Variants in NPAS3 observed in about 807,000 individuals in gnomAD.
NPAS3 encodes neuronal PAS domain protein 3, also known as neuronal PAS domain-containing protein 3.
NPAS3 carries 14 observed loss-of-function variants against 73.1 expected under a neutral mutation model. The observed-to-expected ratio is 0.19, with a 90% CI of 0.13 to 0.30. NPAS3 has a LOEUF of 0.30. Among genes scored for constraint, NPAS3 ranks in the 10% least tolerant of loss-of-function variants. The pLI, the probability that NPAS3 is intolerant of heterozygous loss-of-function variation, is 1.00. For missense variants in NPAS3, 1,096 were observed against 1,250.0 expected (o/e 0.88, Z 1.86); for synonymous variants, 620 against 541.5 (o/e 1.14, Z -2.01).
chr14:33,633,830 T>A (rs970323649), intron 5 of NPAS3, among the ~76,000 whole-genome samples: 1 of 152,048 alleles, frequency 6.6e-6, no homozygotes, highest in Admixed American at 6.5e-5. Flanking sequence ...AAATAAAAAA[T>A]TAGCCAGTTG....
At chr14:33,697,354 G>T (rs2060412027) in intron 6 of NPAS3, among the ~76,000 whole-genome samples, 1 of 152,276 alleles carries the variant, frequency 6.6e-6, no homozygotes, top group Admixed American at 6.5e-5. Context: ...TCATCCAGGG[G>T]GTTGGCAGAA....
intron 2 of NPAS3, among the ~76,000 whole-genome samples, chr14:33,165,579 C>T (rs942655250): frequency 5.9e-5 from 9 of 151,958 alleles, no homozygotes; most frequent in African/African-American, 2.2e-4. Context: ...AATCTGGAGG[C>T]CTTATCAGAG....
At chr14:33,803,550 C>T (rs570339332), downstream of NPAS3, 9 of 152,246 alleles carry the variant, frequency 5.9e-5, no homozygotes, top group South Asian at 1.9e-3. Context: ...AGCTATCGAA[C>T]AATCAAAGGA....
chr14:33,212,258 C>T (rs10483431), intron 2 of NPAS3, among the ~76,000 whole-genome samples: 14,267 of 152,122 alleles, frequency 0.094, 798 homozygotes, highest in Non-Finnish European at 0.13. Flanking sequence ...GCCCACAAAA[C>T]CAATTACTAC....
intron 1 of NPAS3, among the ~76,000 whole-genome samples, chr14:33,024,055 T>A (rs967056593): frequency 6.6e-6 from 1 of 152,138 alleles, no homozygotes; most frequent in African/African-American, 2.4e-5. Flanking sequence ...GGTAGGTCTT[T>A]TGGACAGAAC....
chr14:33,309,241 C>T (rs886767980), intron 3 of NPAS3, among the ~76,000 whole-genome samples: 4 of 152,076 alleles, frequency 2.6e-5, no homozygotes, highest in Non-Finnish European at 5.9e-5. Context: ...GAGGTTTGTC[C>T]CTCCATGTCA....
At chr14:33,730,154 T>C (rs533435881) in intron 6 of NPAS3, among the ~76,000 whole-genome samples, 134 of 152,234 alleles carry the variant, frequency 8.8e-4, no homozygotes, top group African/African-American at 3.1e-3. Context: ...CTATACAGCA[T>C]CAAAGTTAGA....
At chr14:33,599,016 C>T (rs568501899) in intron 5 of NPAS3, among the ~76,000 whole-genome samples, 26 of 152,318 alleles carry the variant, frequency 1.7e-4, no homozygotes, top group Admixed American at 1.3e-3. Context: ...CTTTATGTCA[C>T]CAACAGAAGA....
chr14:33,738,559 C>A (rs2061580067), intron 7 of NPAS3, among the ~76,000 whole-genome samples: 1 of 152,142 alleles, frequency 6.6e-6, no homozygotes, highest in African/African-American at 2.4e-5. Flanking sequence ...ACCAAGAATT[C>A]TAGCCAAGGA....
At chr14:33,781,882 A>G (rs2062989301) in intron 9 of NPAS3, among the ~76,000 whole-genome samples, 1 of 152,238 alleles carries the variant, frequency 6.6e-6, no homozygotes, top group African/African-American at 2.4e-5. Context: ...TAAGAAAAGT[A>G]AAGAGGAATA....
intron 2 of NPAS3, among the ~76,000 whole-genome samples, chr14:33,129,215 A>G (rs778562016): frequency 6.6e-6 from 1 of 152,144 alleles, no homozygotes; most frequent in Non-Finnish European, 1.5e-5. Context: ...TGAGTCTAAG[A>G]GTAAGAAATT....
At chr14:33,223,636 A>G (rs906329430) in intron 3 of NPAS3, among the ~76,000 whole-genome samples, 4 of 152,186 alleles carry the variant, frequency 2.6e-5, no homozygotes, top group African/African-American at 9.7e-5. Flanking sequence ...TTTAGCGATT[A>G]TTGTCCTAAA....
At chr14:33,137,227 A>C (rs1344200469) in intron 2 of NPAS3, among the ~76,000 whole-genome samples, 1 of 152,190 alleles carries the variant, frequency 6.6e-6, no homozygotes, top group African/African-American at 2.4e-5. Context: ...TGATAAAATG[A>C]ATGTTTTTAG....
At chr14:33,225,116 A>G (rs1211225938) in intron 3 of NPAS3, among the ~76,000 whole-genome samples, 1 of 152,168 alleles carries the variant, frequency 6.6e-6, no homozygotes, top group Non-Finnish European at 1.5e-5. Context: ...AAAGTGCTTC[A>G]TGGCTGATTG....
chr14:33,780,604 G>A, intron 9 of NPAS3: 1 of 454,298 alleles, frequency 2.2e-6, no homozygotes, highest in Middle Eastern at 3.3e-4. Flanking sequence ...CATGCATCAT[G>A]CTATCTCTCT....
intron 5 of NPAS3, among the ~76,000 whole-genome samples, chr14:33,584,995 G>T (rs974404031): frequency 1.2e-4 from 18 of 152,134 alleles, no homozygotes; most frequent in Non-Finnish European, 2.1e-4. Context: ...AATGTAAAAA[G>T]GTGTTCCAGA....
At chr14:33,436,055 A>G (rs2048976199) in intron 4 of NPAS3, among the ~76,000 whole-genome samples, 1 of 152,194 alleles carries the variant, frequency 6.6e-6, no homozygotes, top group South Asian at 2.1e-4. Flanking sequence ...CACATTTCTA[A>G]GAACCAAATA....
At chr14:33,111,636 A>C (rs1212394644) in intron 2 of NPAS3, among the ~76,000 whole-genome samples, 1 of 151,662 alleles carries the variant, frequency 6.6e-6, no homozygotes. Context: ...GAAGACCTGC[A>C]CAGTTCCTTA....
intron 3 of NPAS3, among the ~76,000 whole-genome samples, chr14:33,240,929 T>G (rs747077930): frequency 6.6e-6 from 1 of 151,892 alleles, no homozygotes; most frequent in Non-Finnish European, 1.5e-5. Context: ...TTAATTGCCA[T>G]TTGTGAATAT....
Sources: allele counts gnomAD v4.1 joint callset (sites outside exome capture counted in the v4.1 genomes callset), GRCh38; gene constraint gnomAD v4.1.1; transcripts MANE v1.5; gene names NCBI Gene and HGNC (gene_info 2026-07-23, HGNC 2026-07-21).